Variants in TMEM161B observed in about 807,000 individuals in gnomAD.
The protein encoded by TMEM161B is transmembrane protein 161B.
TMEM161B carries 34 observed loss-of-function variants against 61.8 expected under a neutral mutation model. That is an observed-to-expected ratio of 0.55 (90% CI 0.42 to 0.73). The LOEUF (loss-of-function observed/expected upper bound fraction) is 0.73, where lower values mean the gene tolerates loss of function less well. Among genes scored for constraint, TMEM161B ranks in the 30% least tolerant of loss-of-function variants. The probability of loss-of-function intolerance (pLI) is 0.00; values close to 1 mark genes in which losing one functional copy is unlikely to be tolerated. For missense variants in TMEM161B, 456 were observed against 558.5 expected, an observed-to-expected ratio of 0.82 and a Z score of 1.85; for synonymous variants, 167 against 192.8, an observed-to-expected ratio of 0.87 and a Z score of 1.11.
chr5:88,198,021 T>C, intron 10 of TMEM161B: 1 of 277,920 alleles, frequency 3.6e-6, no homozygotes, highest in South Asian at 1.1e-4. Flanking sequence ...TGTATATATA[T>C]TGGAGAAAAT....
chr5:88,215,420 A>C (rs1747650003), intron 5 of TMEM161B, among the ~76,000 whole-genome samples: 1 of 152,188 alleles, frequency 6.6e-6, no homozygotes. Flanking sequence ...GTTAAACTGG[A>C]TATCTGGAAT....
intron 1 of TMEM161B, among the ~76,000 whole-genome samples, chr5:88,245,972 G>A (rs1753558334): frequency 6.6e-6 from 1 of 151,866 alleles, no homozygotes; most frequent in South Asian, 2.1e-4. Context: ...TAGAGACATT[G>A]TTGAAGAACT....
At chr5:88,215,646 G>A (rs867670748) in intron 5 of TMEM161B, among the ~76,000 whole-genome samples, 2 of 152,126 alleles carry the variant, frequency 1.3e-5, no homozygotes, top group Non-Finnish European at 2.9e-5. Context: ...GACAGCCAGC[G>A]AGCTACAGGA....
chr5:88,186,123 G>A (rs749517715), downstream of TMEM161B, among the ~76,000 whole-genome samples: 3 of 152,254 alleles, frequency 2.0e-5, no homozygotes, highest in Non-Finnish European at 2.9e-5. Context: ...GTAACTGAAA[G>A]GTCTTACATG....
intron 5 of TMEM161B, among the ~76,000 whole-genome samples, chr5:88,212,252 T>C (rs538297121): frequency 3.7e-4 from 56 of 152,168 alleles, no homozygotes; most frequent in Middle Eastern, 3.4e-3. Flanking sequence ...CTTTCAAAAC[T>C]GCAAAGTCTA....
At chr5:88,248,729 A>C (rs1339332168) in intron 1 of TMEM161B, among the ~76,000 whole-genome samples, 4 of 151,924 alleles carry the variant, frequency 2.6e-5, no homozygotes, top group South Asian at 2.1e-4. Context: ...AAAAAAAAAA[A>C]AACAACTTTT....
chr5:88,231,735 A>G (rs1290374796), intron 2 of TMEM161B, among the ~76,000 whole-genome samples: 1 of 152,220 alleles, frequency 6.6e-6, no homozygotes, highest in Non-Finnish European at 1.5e-5. Flanking sequence ...GATTCTCGTT[A>G]TTCGCGGTAG....
intron 1 of TMEM161B, among the ~76,000 whole-genome samples, chr5:88,264,016 T>C (rs1270179258): frequency 6.6e-6 from 1 of 152,142 alleles, no homozygotes; most frequent in Non-Finnish European, 1.5e-5. Context: ...AAACTGCGCA[T>C]GTCAAATTAC....
intron 9 of TMEM161B, 179 bp downstream of exon 9, chr5:88,202,783 A>T (rs961304152): frequency 7.9e-6 from 5 of 629,064 alleles, no homozygotes; most frequent in Non-Finnish European, 1.1e-5. Flanking sequence ...ACTAATAAAG[A>T]TCACAAAAAT....
chr5:88,206,451 C>T lies in TMEM161B; in HGVS notation c.647G>A (p.Gly216Asp), dbSNP rs574248968. Residue 216 changes from glycine (G) to aspartate (D), a missense_variant, in exon 7 of 12, where the codon GGT becomes GAT. By Grantham distance (94) the Gly-to-Asp change is moderately conservative. Coordinates refer to ENST00000296595, the MANE Select transcript of TMEM161B (RefSeq NM_153354.5). ...DSAMQFLEKQ[G>D]LESQSPVSKL... ...TTCAAAAACTTACTGAGATTCTAAA[C>T]CTTGCTTTTCAAGAAACTGCATCGC... The T allele has an allele frequency of 2.5e-6, 4 of 1,600,606 alleles. No individual in the cohort carries two copies. Among genetic ancestry groups the T allele is most frequent in the South Asian group, 2.3e-5 (2 of 88,402 alleles).
downstream of TMEM161B, among the ~76,000 whole-genome samples, chr5:88,188,899 T>C (rs1748533595): frequency 6.6e-6 from 1 of 152,156 alleles, no homozygotes; most frequent in African/African-American, 2.4e-5. Context: ...ACTGACTTCC[T>C]TCTTCTTGTT....
intron 1 of TMEM161B, among the ~76,000 whole-genome samples, chr5:88,242,992 A>G (rs1752990276): frequency 6.6e-6 from 1 of 151,816 alleles, no homozygotes. Flanking sequence ...AATTAGTAAA[A>G]GATCAATTGC....
chr5:88,249,622 C>A (rs1754069563), intron 1 of TMEM161B, among the ~76,000 whole-genome samples: 1 of 151,922 alleles, frequency 6.6e-6, no homozygotes, highest in South Asian at 2.1e-4. Flanking sequence ...AGGAAGCATC[C>A]CTACTCCCCA....
chr5:88,231,181 T>G (rs1273750776), intron 2 of TMEM161B, among the ~76,000 whole-genome samples: 1 of 152,180 alleles, frequency 6.6e-6, no homozygotes, highest in Non-Finnish European at 1.5e-5. Context: ...TAAATAATAC[T>G]GTAATAATAG....
At chr5:88,260,154 G>C (rs560775159) in intron 1 of TMEM161B, among the ~76,000 whole-genome samples, 3 of 152,146 alleles carry the variant, frequency 2.0e-5, no homozygotes, top group African/African-American at 7.2e-5. Flanking sequence ...AGCTGTTATC[G>C]TTATTGAGGA....
At chr5:88,190,249 G>C, downstream of TMEM161B, 1 of 700,822 alleles carries the variant, frequency 1.4e-6, no homozygotes, top group East Asian at 2.7e-5. Flanking sequence ...GCTGGACCTT[G>C]CCTTGCATTA....
intron 5 of TMEM161B, among the ~76,000 whole-genome samples, chr5:88,215,616 T>A (rs1747689314): frequency 6.6e-6 from 1 of 152,190 alleles, no homozygotes; most frequent in African/African-American, 2.4e-5. Context: ...CAGAACTTTC[T>A]GTCCTCTCTG....
At chr5:88,199,933 G>A (rs1217497826) in intron 9 of TMEM161B, 1 of 151,856 alleles carries the variant, frequency 6.6e-6, no homozygotes, top group Non-Finnish European at 1.5e-5. Flanking sequence ...GACCACCCTT[G>A]GCATCTAGTC....
At chr5:88,205,783 C>T (rs763542568) in intron 8 of TMEM161B, 31 bp downstream of exon 8, 1 of 1,605,342 alleles carries the variant, frequency 6.2e-7, no homozygotes, top group Admixed American at 1.7e-5. Context: ...ATATATTTAT[C>T]TGCATGTGCT....
Sources: gnomAD v4.1 joint callset for allele counts (sites outside exome capture counted in the v4.1 genomes callset) on GRCh38, gnomAD v4.1.1 for gene constraint, MANE v1.5 for transcripts, NCBI Gene and HGNC (gene_info 2026-07-23, HGNC 2026-07-21) for gene names.